Variants in TXNDC15 observed in about 807,000 individuals in gnomAD.
TXNDC15 encodes thioredoxin domain containing 15, also known as thioredoxin domain-containing protein 15.
In TXNDC15, 24 loss-of-function variants were observed where a neutral mutation model predicts 35.0. The observed-to-expected ratio is 0.68, with a 90% confidence interval of 0.50 to 0.96. The LOEUF (loss-of-function observed/expected upper bound fraction) is 0.96, where lower values mean the gene tolerates loss of function less well. Among genes scored for constraint, TXNDC15 ranks in the 40% least tolerant of loss-of-function variants. TXNDC15 has a pLI of 0.00. For synonymous variants in TXNDC15, 169 were observed against 174.0 expected, an observed-to-expected ratio of 0.97 and a Z score of 0.23; for missense variants, 385 against 453.3, an observed-to-expected ratio of 0.85 and a Z score of 1.37.
intron 1 of TXNDC15, among the ~76,000 whole-genome samples, chr5:134,877,064 G>T (rs755997380): frequency 1.6e-4 from 24 of 152,130 alleles, no homozygotes; most frequent in Non-Finnish European, 3.2e-4. Flanking sequence ...ATCAAGGAGA[G>T]TCCCAGGGCG....
chr5:134,895,192 A>C (rs552750398), intron 3 of TXNDC15, among the ~76,000 whole-genome samples: 1 of 152,266 alleles, frequency 6.6e-6, no homozygotes, highest in Admixed American at 6.5e-5. Flanking sequence ...AAAAAAAAAA[A>C]ATTGTATTCC....
At chr5:134,880,532 G>A (rs1750120757) in intron 1 of TXNDC15, among the ~76,000 whole-genome samples, 2 of 151,890 alleles carry the variant, frequency 1.3e-5, no homozygotes, top group African/African-American at 2.4e-5. Flanking sequence ...CACCTCCTGG[G>A]TTCAAGCGAT....
Position 134,877,520 on chromosome 5 carries a change from C to T in TXNDC15, c.103+2990C>T, listed in dbSNP as rs1404022588. ...AGTTTAGGTGGCTACAGTAGTTGCC[C>T]AGACAAGAATTGGCTGTGGCCTTTG... On this transcript the variant is annotated intron_variant, in intron 1 of 4. Coordinates refer to ENST00000358387, the MANE Select transcript of TXNDC15 (RefSeq NM_024715.4). 2.6e-5 allele frequency among the ~76,000 whole-genome samples: 4 copies of T among 152,246 alleles called. No homozygotes were observed. In the South Asian group the frequency reaches 8.3e-4, roughly 32 times the overall value.
chr5:134,878,282 A>G lies in TXNDC15; in HGVS notation c.103+3752A>G, dbSNP rs181719592. Among the ~76,000 whole-genome samples, 3 of 152,314 alleles carry G rather than the reference A, an allele frequency of 2.0e-5. No individual in the cohort carries two copies. The East Asian group carries it at 5.8e-4, about 29-fold the overall frequency. ...TTGAATTGTAAACACCACTCATCAT[A>G]ATCATCATCATCACCACAGCCATTT... On this transcript the variant is annotated intron_variant, in intron 1 of 4. Transcript: ENST00000358387.
intron 2 of TXNDC15, among the ~76,000 whole-genome samples, chr5:134,889,102 C>T (rs975084838): frequency 2.6e-5 from 4 of 152,242 alleles, no homozygotes; most frequent in African/African-American, 9.6e-5. Context: ...GCTTTGCATC[C>T]ACTCCTGAGT....
At chr5:134,882,332 G>A (rs1457289381) in intron 1 of TXNDC15, among the ~76,000 whole-genome samples, 1 of 151,476 alleles carries the variant, frequency 6.6e-6, no homozygotes, top group Non-Finnish European at 1.5e-5. Context: ...GATGGCGGCC[G>A]GGCAGAGATG....
At chr5:134,888,297 G>A (rs934597751) in intron 2 of TXNDC15, 115 bp downstream of exon 2, 28 of 1,046,678 alleles carry the variant, frequency 2.7e-5, no homozygotes, top group Admixed American at 1.1e-4. Context: ...AAGCGAGATA[G>A]CATTTAATGG....
chr5:134,895,994 T>TA (rs1406694773), intron 3 of TXNDC15: 1 of 229,526 alleles, frequency 4.4e-6, no homozygotes, highest in Non-Finnish European at 8.4e-6. Flanking sequence ...GTCCATGAAT[T>TA]AGAGTTTTCT....
chr5:134,896,182 G>GT (rs2150190647), intron 3 of TXNDC15, 112 bp from the exon 4 acceptor site: 3 of 1,303,778 alleles, frequency 2.3e-6, no homozygotes, highest in Non-Finnish European at 3.1e-6. Flanking sequence ...AGAAATCTCC[G>GT]TAGGTCACAC....
At chr5:134,896,616 G>A (rs1022314315) in intron 4 of TXNDC15, among the ~76,000 whole-genome samples, 192 bp downstream of exon 4, 12 of 151,364 alleles carry the variant, frequency 7.9e-5, no homozygotes, top group Non-Finnish European at 1.5e-4. Context: ...AACATGAATA[G>A]GTAATTTTAA....
Position 134,891,361 on chromosome 5 carries a change from C to T in TXNDC15, c.592-2131C>T, listed in dbSNP as rs967048068. 2.6e-5 allele frequency among the ~76,000 whole-genome samples: 4 copies of T among 152,276 alleles called. No homozygotes were observed. In the East Asian group the frequency reaches 7.7e-4, roughly 29 times the overall value. The stretch of plus-strand genomic sequence containing the variant: ...TGATTCATGGGCTGCAGAATGGATG[C>T]TGTGTTAGCAGGCCTGAAAACAACA... On this transcript the variant is annotated intron_variant, in intron 2 of 4. Coordinates refer to ENST00000358387, the MANE Select transcript of TXNDC15 (RefSeq NM_024715.4).
intron 1 of TXNDC15, among the ~76,000 whole-genome samples, chr5:134,886,707 G>C (rs1056117714): frequency 6.6e-6 from 1 of 152,258 alleles, no homozygotes; most frequent in African/African-American, 2.4e-5. Flanking sequence ...CCTCAGGAAG[G>C]AGCTGCTGTG....
At chr5:134,884,364 T>C (rs1348613940) in intron 1 of TXNDC15, among the ~76,000 whole-genome samples, 1 of 147,358 alleles carries the variant, frequency 6.8e-6, no homozygotes, top group Non-Finnish European at 1.5e-5. Flanking sequence ...TTCTCCTGCC[T>C]CAGCCTCCCA....
intron 1 of TXNDC15, among the ~76,000 whole-genome samples, chr5:134,881,942 G>C (rs1243912418): frequency 6.7e-6 from 1 of 149,964 alleles, no homozygotes; most frequent in African/African-American, 2.5e-5. Flanking sequence ...CCAGGTGGGG[G>C]GCTGACCCCC....
At chr5:134,896,545 A>C in intron 4 of TXNDC15, 121 bp downstream of exon 4, 1 of 1,259,682 alleles carries the variant, frequency 7.9e-7, no homozygotes, top group South Asian at 1.4e-5. Context: ...TGAGTTGTAA[A>C]ACTTCTCTTC....
intron 1 of TXNDC15, among the ~76,000 whole-genome samples, chr5:134,880,681 C>T (rs2898299): frequency 1.3e-5 from 2 of 151,946 alleles, no homozygotes; most frequent in African/African-American, 2.4e-5. Context: ...GACCTCAAGT[C>T]ATCCACCTGC....
chr5:134,887,831 G>T lies in TXNDC15; in HGVS notation c.240G>T (p.Ala80=). 6.2e-7 allele frequency: 1 copy of T among 1,614,186 alleles called. No homozygotes were observed. Among genetic ancestry groups the T allele is most frequent in the Middle Eastern group, 1.6e-4 (1 of 6,062 alleles). ...GQDRAAEEAN[A]VLGLDTQGDH... is the part of the protein sequence containing the mutation. ...ACAGGGCAGCAGAAGAGGCCAATGC[G>T]GTGCTGGGGCTGGACACCCAAGGCG... The change falls in exon 2 of 5, where the codon GCG becomes GCT. Residue 80 remains alanine (A), a synonymous_variant. Transcript: ENST00000358387.
chr5:134,880,628 A>G (rs1391239554), intron 1 of TXNDC15, among the ~76,000 whole-genome samples: 1 of 151,676 alleles, frequency 6.6e-6, no homozygotes, highest in Non-Finnish European at 1.5e-5. Flanking sequence ...TTTTTAGTAG[A>G]TACAGGGTTT....
Position 134,878,067 on chromosome 5 carries a change from G to A in TXNDC15, c.103+3537G>A, listed in dbSNP as rs577396733. On this transcript the variant is annotated intron_variant, in intron 1 of 4. Coordinates refer to ENST00000358387, the MANE Select transcript of TXNDC15 (RefSeq NM_024715.4). ...TGGGATTACAGGCGTGAGCCACTGC[G>A]CCTGGCCTAATTTTTGTATTTTTTA... is the stretch of plus-strand genomic sequence containing the variant. 2.0e-5 allele frequency among the ~76,000 whole-genome samples: 3 copies of A among 151,986 alleles called. No homozygotes were observed. In the East Asian group the frequency reaches 5.8e-4, roughly 29 times the overall value.
Sources: allele counts gnomAD v4.1 joint callset (sites outside exome capture counted in the v4.1 genomes callset), GRCh38; gene constraint gnomAD v4.1.1; transcripts MANE v1.5; gene names NCBI Gene and HGNC (gene_info 2026-07-23, HGNC 2026-07-21).